Variants in SYT10 observed in about 807,000 individuals in gnomAD.
SYT10 encodes the protein synaptotagmin-10.
Under a neutral mutation model 51.1 loss-of-function variants are expected in SYT10, and 31 were observed. The ratio of observed to expected loss-of-function variants is 0.61; its 90% CI spans 0.46 to 0.82. The LOEUF (loss-of-function observed/expected upper bound fraction) is 0.82. SYT10 is among the 40% of genes least tolerant of loss of function. The pLI is 0.00. For synonymous variants in SYT10, 233 were observed against 225.9 expected, an observed-to-expected ratio of 1.03 and a Z score of -0.28; for missense variants, 603 against 634.0, an observed-to-expected ratio of 0.95 and a Z score of 0.53.
chr12:33,408,364 A>G (rs1244352953), intron 2 of SYT10: 3 of 152,190 alleles, frequency 2.0e-5, no homozygotes, highest in Non-Finnish European at 2.9e-5. Flanking sequence ...GAGCCCAACA[A>G]AACAAGTTTT....
chr12:33,387,548 G>C (rs1866167184), intron 3 of SYT10, among the ~76,000 whole-genome samples: 1 of 152,120 alleles, frequency 6.6e-6, no homozygotes, highest in South Asian at 2.1e-4. Flanking sequence ...CTTAATAATG[G>C]AAGTGATTAG....
intron 3 of SYT10, among the ~76,000 whole-genome samples, chr12:33,395,595 C>T (rs7294492): frequency 0.68 from 102,920 of 152,002 alleles, 35,591 homozygotes; most frequent in East Asian, 0.95. Context: ...TAATTCCATC[C>T]AAAAGAGAAA....
At chr12:33,401,996 CA>C (rs1293665842) in intron 3 of SYT10, among the ~76,000 whole-genome samples, 4 of 152,174 alleles carry the variant, frequency 2.6e-5, no homozygotes, top group African/African-American at 9.7e-5. Flanking sequence ...ACAATGCTTC[CA>C]TTAGCATATA....
chr12:33,425,323 T>C (rs562146768), intron 2 of SYT10, among the ~76,000 whole-genome samples: 3 of 152,158 alleles, frequency 2.0e-5, no homozygotes, highest in African/African-American at 4.8e-5. Context: ...CCGAGAAAAA[T>C]TGCTAACATG....
In SYT10 at chr12:33,385,285, T is replaced by C; in HGVS notation, c.1084A>G (p.Ile362Val). 6.2e-7 allele frequency: 1 copy of C among 1,612,982 alleles called. No homozygotes were observed. Reference protein sequence around the residue: ...KDIHCATTESIDLGEIMFSLC... With the variant: ...KDIHCATTESVDLGEIMFSLC... ...GAAAACATGATTTCACCCAGGTCTATACTTTCCTAGAAAGGCAATCGGCAT... is the reference window on the plus strand; with the variant it reads ...GAAAACATGATTTCACCCAGGTCTACACTTTCCTAGAAAGGCAATCGGCAT... Residue 362 changes from isoleucine (I) to valine (V), a missense_variant, in exon 4 of 7, where the codon ATA becomes GTA. By Grantham distance (29) the Ile-to-Val change is conservative. Coordinates refer to ENST00000228567, the MANE Select transcript of SYT10 (RefSeq NM_198992.4).
intron 2 of SYT10, chr12:33,423,864 G>T: frequency 2.3e-6 from 1 of 436,702 alleles, no homozygotes; most frequent in Non-Finnish European, 4.6e-6. Flanking sequence ...AATCTCTCTG[G>T]GTTTCAGTTA....
chr12:33,433,060 CATT>C (rs1490667189), intron 1 of SYT10, among the ~76,000 whole-genome samples: 1 of 152,020 alleles, frequency 6.6e-6, no homozygotes, highest in Non-Finnish European at 1.5e-5. Context: ...ATGTATTTAA[CATT>C]ATGAAGAAAA....
intron 2 of SYT10, among the ~76,000 whole-genome samples, chr12:33,417,619 T>G (rs1311532936): frequency 6.6e-6 from 1 of 152,226 alleles, no homozygotes; most frequent in Non-Finnish European, 1.5e-5. Flanking sequence ...CTGTGCAGCA[T>G]TAGCTAGCTA....
At position 33,376,809 on chromosome 12, in the gene SYT10, C is replaced by G. The variant is rs190235698; in HGVS notation, c.*21G>C. 7 of 1,613,732 alleles carry G rather than the reference C, an allele frequency of 4.3e-6. No homozygotes were observed. Among genetic ancestry groups the G allele is most frequent in the Non-Finnish European group, 5.9e-6 (7 of 1,179,698 alleles). ...GCACGTGATCCTAGATGCTTAATAT[C>G]ATGGTCTCATTTTGGAGGCATTATG... On this transcript the variant is annotated 3_prime_UTR_variant, in exon 7 of 7. Coordinates refer to ENST00000228567, the MANE Select transcript of SYT10 (RefSeq NM_198992.4).
At chr12:33,436,176 G>C (rs1414891751) in intron 1 of SYT10, among the ~76,000 whole-genome samples, 5 of 152,122 alleles carry the variant, frequency 3.3e-5, no homozygotes, top group Non-Finnish European at 7.4e-5. Flanking sequence ...GGAGTAATCA[G>C]AAATTAAGCT....
Position 33,374,823 on chromosome 12 carries a change from G to A in SYT10, c.*2007C>T, listed in dbSNP as rs1427419653. The A allele has an allele frequency of 6.6e-6, 1 of 151,792 alleles. No individual in the cohort carries two copies. The allele number at this position is 151,792 out of a possible 1,614,324, so 9.4% of individuals were successfully genotyped here. ...TTCTCCTTAGGGAGTAAAGAAAAGCGAGTTTCTAAGAATCAACAAAAAGTC... is the reference window on the plus strand; with the variant it reads ...TTCTCCTTAGGGAGTAAAGAAAAGCAAGTTTCTAAGAATCAACAAAAAGTC... On this transcript the variant is annotated 3_prime_UTR_variant, in exon 7 of 7. Transcript: ENST00000228567.
chr12:33,415,861 G>T (rs1257368329), intron 2 of SYT10, among the ~76,000 whole-genome samples: 1 of 152,096 alleles, frequency 6.6e-6, no homozygotes, highest in Admixed American at 6.5e-5. Flanking sequence ...ATGCCACAGT[G>T]GATTTTTTAA....
At chr12:33,397,569 CT>C (rs1473986346) in intron 3 of SYT10, among the ~76,000 whole-genome samples, 1 of 152,096 alleles carries the variant, frequency 6.6e-6, no homozygotes, top group Admixed American at 6.5e-5. Flanking sequence ...ACCGACCAGC[CT>C]TTTGAGGCAC....
chr12:33,437,239 T>C (rs1452222483), intron 1 of SYT10, among the ~76,000 whole-genome samples: 1 of 152,222 alleles, frequency 6.6e-6, no homozygotes, highest in Non-Finnish European at 1.5e-5. Context: ...AATAAATATG[T>C]GTGTTCCTAT....
rs776932613 is a variant in SYT10 at position 33,379,832 on chromosome 12, C to T, written c.1500G>A (p.Glu500=). 3.1e-6 allele frequency: 5 copies of T among 1,613,608 alleles called. No homozygotes were observed. The highest frequency in any genetic ancestry group is 3.4e-6 in the Non-Finnish European group (4 of 1,179,768). The part of the protein sequence containing the change: ...KPITHWHPLL[E]LPGRATSFDS... ...AGACGTAAGGAACTCACAAGCTTAC[C>T]TCCAGCAATGGGTGCCAGTGCGTTA... The change falls in exon 6 of 7, where the codon GAG becomes GAA. Residue 500 remains glutamate, a splice_region_variant and synonymous_variant. Transcript: ENST00000228567.
chr12:33,429,670 G>A (rs78809995), intron 1 of SYT10, among the ~76,000 whole-genome samples: 1,813 of 152,136 alleles, frequency 0.012, 36 homozygotes, highest in African/African-American at 0.041. Flanking sequence ...TAAGTATGAC[G>A]TCATACTTAC....
At chr12:33,408,987 T>A (rs547613095) in intron 2 of SYT10, among the ~76,000 whole-genome samples, 1 of 152,076 alleles carries the variant, frequency 6.6e-6, no homozygotes, top group East Asian at 1.9e-4. Context: ...GGAGTCCAGA[T>A]CCTTATCTCC....
At chr12:33,403,590 G>A (rs1387713591) in intron 3 of SYT10, among the ~76,000 whole-genome samples, 1 of 152,082 alleles carries the variant, frequency 6.6e-6, no homozygotes, top group African/African-American at 2.4e-5. Context: ...TTTTATGTCT[G>A]TGTCTGCATA....
chr12:33,412,806 C>T (rs1489487838), intron 2 of SYT10, among the ~76,000 whole-genome samples: 6 of 152,244 alleles, frequency 3.9e-5, no homozygotes, highest in South Asian at 4.1e-4. Flanking sequence ...TGCAGCTCCT[C>T]GCCAGCAGCA....
Sources: allele counts gnomAD v4.1 joint callset (sites outside exome capture counted in the v4.1 genomes callset), GRCh38; gene constraint gnomAD v4.1.1; transcripts MANE v1.5; gene names NCBI Gene and HGNC (gene_info 2026-07-23, HGNC 2026-07-21).